ZNF846: variants seen among roughly 807,000 people sequenced by gnomAD.
ZNF846 encodes the protein zinc finger protein 420 pseudogene.
A neutral mutation model predicts 16.0 loss-of-function variants in ZNF846; 15 were observed. That is an observed-to-expected ratio of 0.94 (90% CI 0.63 to 1.45). The LOEUF (loss-of-function observed/expected upper bound fraction) is 1.45, where lower values mean the gene tolerates loss of function less well. Ranked by LOEUF, ZNF846 falls within the 40% of genes most tolerant of loss-of-function variation. The pLI is 0.00. For missense variants in ZNF846, 714 were observed against 622.3 expected, an observed-to-expected ratio of 1.15 and a Z score of -1.57; for synonymous variants, 229 against 212.0, an observed-to-expected ratio of 1.08 and a Z score of -0.70.
In ZNF846 at chr19:9,757,658, T is replaced by C. The variant is rs374667200; in HGVS notation, c.1419A>G (p.Thr473=). ...CTTTACATGCATAAGGCTTTTCTCC[T>C]GTGTGCGTTCGCATGTGCATATTAA... The change falls in exon 6 of 6, where the codon ACA becomes ACG. Residue 473 remains threonine, a synonymous_variant. Coordinates refer to ENST00000397902, the Ensembl canonical transcript of ZNF846. 6.2e-6 allele frequency: 10 copies of C among 1,612,450 alleles called. No individual in the cohort carries two copies. The African/African-American group carries it at 8.1e-5, about 13-fold the overall frequency.
At chr19:9,762,481 T>C in intron 3 of ZNF846, 1 of 226,314 alleles carries the variant, frequency 4.4e-6, no homozygotes, top group Non-Finnish European at 8.8e-6. Context: ...CTACTAAAAA[T>C]ACAAAAATTA....
intron 1 of ZNF846, among the ~76,000 whole-genome samples, chr19:9,776,715 C>T (rs2045447421): frequency 6.6e-6 from 1 of 152,202 alleles, no homozygotes; most frequent in Admixed American, 6.5e-5. Context: ...TTTCTACACT[C>T]TCTTGTCGCC....
chr19:9,757,056 A>C (rs2045143826), downstream of ZNF846, among the ~76,000 whole-genome samples: 2 of 151,442 alleles, frequency 1.3e-5, no homozygotes, highest in African/African-American at 4.9e-5. Context: ...TTAGCTGGGC[A>C]TGGTGGCACA....
chr19:9,750,556 C>T (rs1360408772), downstream of ZNF846, among the ~76,000 whole-genome samples: 1 of 152,208 alleles, frequency 6.6e-6, no homozygotes, highest in Non-Finnish European at 1.5e-5. Flanking sequence ...CACCTGCCAA[C>T]TGGATGGGCA....
At chr19:9,775,465 T>C (rs2045430920) in intron 1 of ZNF846, among the ~76,000 whole-genome samples, 3 of 152,046 alleles carry the variant, frequency 2.0e-5, no homozygotes, top group African/African-American at 7.2e-5. Context: ...CAGGAACATA[T>C]GGGAATTCAG....
At chr19:9,773,228 A>G (rs1035537952), upstream of ZNF846, among the ~76,000 whole-genome samples, 2 of 152,226 alleles carry the variant, frequency 1.3e-5, no homozygotes, top group African/African-American at 2.4e-5. Context: ...GGGTCTTCCT[A>G]TGTTGTGCAG....
downstream of ZNF846, among the ~76,000 whole-genome samples, chr19:9,757,285 T>G (rs2045146523): frequency 6.6e-6 from 1 of 151,766 alleles, no homozygotes; most frequent in South Asian, 2.1e-4. Context: ...AGGTGAGTTC[T>G]TACACTTTAT....
intron 5 of ZNF846, 36 bp downstream of exon 5, chr19:9,759,824 C>T: frequency 6.7e-7 from 1 of 1,492,836 alleles, no homozygotes; most frequent in Non-Finnish European, 9.3e-7. Flanking sequence ...TGCTTCTTGT[C>T]CTAGTGTGGA....
exon 2 of ZNF846, chr19:9,764,951 C>A (rs1170664935): frequency 6.2e-7 from 1 of 1,614,116 alleles, no homozygotes; most frequent in Non-Finnish European, 8.5e-7. Flanking sequence ...AAGAATCCAT[C>A]AGTAATCCAT....
At chr19:9,766,200 G>A (rs1023381068) in intron 1 of ZNF846, among the ~76,000 whole-genome samples, 7 of 149,672 alleles carry the variant, frequency 4.7e-5, no homozygotes, top group Non-Finnish European at 1.0e-4. Context: ...TGGGCAGATC[G>A]CTTGAGGTCA....
chr19:9,778,754 G>A (rs1447529025), intron 1 of ZNF846, among the ~76,000 whole-genome samples: 1 of 137,622 alleles, frequency 7.3e-6, no homozygotes, highest in Non-Finnish European at 1.5e-5. Flanking sequence ...AGTGAGCTGA[G>A]ATCATGCCAT....
chr19:9,764,558 C>T (rs946824441), intron 2 of ZNF846, among the ~76,000 whole-genome samples: 25 of 152,202 alleles, frequency 1.6e-4, no homozygotes, highest in Admixed American at 5.2e-4. Context: ...AACCTACCCC[C>T]GCCCTCACTA....
rs186970417 is a variant in ZNF846 at position 9,766,157 on chromosome 19, C to T, written c.-85-1122G>A. On this transcript the variant is annotated intron_variant, in intron 1 of 5. Transcript: ENST00000397902. ...CACAGAGGCTGGGCATGGTGGCTCACGCCTGTAATCCCGGCACTTTGGGAG... is the reference window on the plus strand; with the variant it reads ...CACAGAGGCTGGGCATGGTGGCTCATGCCTGTAATCCCGGCACTTTGGGAG... Among the ~76,000 whole-genome samples the T allele has an allele frequency of 1.4e-3, 209 of 152,166 alleles. 1 individual carries two copies. Among genetic ancestry groups the T allele is most frequent in the African/African-American group, 4.5e-3 (187 of 41,516 alleles).
intron 1 of ZNF846, among the ~76,000 whole-genome samples, chr19:9,780,679 C>A (rs747846306): frequency 6.6e-6 from 1 of 151,908 alleles, no homozygotes; most frequent in Non-Finnish European, 1.5e-5. Context: ...GAACTCCTGA[C>A]CTCAAGTGAT....
At chr19:9,758,030 A>T in exon 6 of ZNF846, 2 of 1,613,420 alleles carry the variant, frequency 1.2e-6, no homozygotes, top group Non-Finnish European at 1.7e-6. Context: ...GGTATGAGGA[A>T]TGAATAAAAG....
intron 1 of ZNF846, among the ~76,000 whole-genome samples, chr19:9,779,756 G>C (rs1280686909): frequency 6.6e-6 from 1 of 151,780 alleles, no homozygotes; most frequent in Non-Finnish European, 1.5e-5. Flanking sequence ...ATTGTTAGTA[G>C]AGACGAGGTT....
chr19:9,755,555 C>A (rs1010849464), downstream of ZNF846: 5 of 151,074 alleles, frequency 3.3e-5, no homozygotes, highest in Middle Eastern at 0.014. Context: ...AATCCCAGCA[C>A]TTTGGGAGGC....
chr19:9,755,118 C>G (rs2045120808), downstream of ZNF846, among the ~76,000 whole-genome samples: 1 of 151,490 alleles, frequency 6.6e-6, no homozygotes, highest in Middle Eastern at 3.2e-3. Context: ...CACACCTCAG[C>G]CTCCCAAAGT....
chr19:9,780,175 C>T (rs986178193), intron 1 of ZNF846, among the ~76,000 whole-genome samples: 1 of 151,078 alleles, frequency 6.6e-6, no homozygotes, highest in African/African-American at 2.5e-5. Flanking sequence ...TAGGCATGAG[C>T]CACTGCACCT....
Sources: allele counts gnomAD v4.1 joint callset (sites outside exome capture counted in the v4.1 genomes callset), GRCh38; gene constraint gnomAD v4.1.1; transcripts MANE v1.5; gene names NCBI Gene and HGNC (gene_info 2026-07-23, HGNC 2026-07-21).